The following RRM2 variants were observed in gnomAD, a reference collection of about 807,000 sequenced individuals.
RRM2 encodes ribonucleoside-diphosphate reductase subunit M2.
A neutral mutation model predicts 45.9 loss-of-function variants in RRM2; 6 were observed. The observed-to-expected ratio is 0.13, with a 90% CI of 0.07 to 0.26. The LOEUF (loss-of-function observed/expected upper bound fraction) is 0.26, where lower values mean the gene tolerates loss of function less well. RRM2 is among the 10% of genes least tolerant of loss of function. RRM2 has a pLI of 1.00. For synonymous variants in RRM2, 177 were observed against 173.0 expected (o/e 1.02, Z -0.18); for missense variants, 343 against 489.5 (o/e 0.70, Z 2.82).
chr2:10,172,749 C>A lies in RRM2; in HGVS notation n.482+30374C>A, dbSNP rs997379301. 6.6e-6 allele frequency among the ~76,000 whole-genome samples: 1 copy of A among 152,166 alleles called. No individual in the cohort carries two copies. The highest frequency in any genetic ancestry group is 3.2e-3 in the Middle Eastern group (1 of 316). On this transcript the variant is annotated intron_variant and non_coding_transcript_variant, in intron 3 of 3. Coordinates refer to the RRM2 transcript ENST00000381786. The surrounding 1 kb of genome is among the most constrained non-coding windows in gnomAD (Gnocchi z 4.9). ...TTGCTGCACCCAGGACTGCCCACAT[C>A]AGTTGCAAAATGCAATGTGGGGCCC...
In RRM2 at chr2:10,126,719, G is replaced by T. The variant is rs1034956766; in HGVS notation, c.570-156G>T. ...GAACACTGGAGGGAAAAACTGACCAGTAAAAATAAAACATTTCGGTGTGAG... is the reference window on the plus strand; with the variant it reads ...GAACACTGGAGGGAAAAACTGACCATTAAAAATAAAACATTTCGGTGTGAG... On this transcript the variant is annotated intron_variant, in intron 5 of 9. Transcript: ENST00000304567. 1.1e-5 allele frequency: 7 copies of T among 660,256 alleles called. No individual in the cohort carries two copies. The African/African-American group carries it at 1.1e-4, about 10-fold the overall frequency. 40.9% of individuals were successfully genotyped at this position (660,256 alleles called of 1,614,324 possible).
chr2:10,202,997 A>G (rs1186274761), intron 3 of RRM2, among the ~76,000 whole-genome samples: 1 of 152,218 alleles, frequency 6.6e-6, no homozygotes, highest in Non-Finnish European at 1.5e-5. Context: ...CAAATGCTGG[A>G]GAAAGAACAG....
At chr2:10,133,437 C>T (rs1000184138), downstream of RRM2, among the ~76,000 whole-genome samples, 10 of 152,220 alleles carry the variant, frequency 6.6e-5, no homozygotes, top group African/African-American at 2.4e-4. Context: ...TGTCACCTGG[C>T]CAGGGAGCTA....
Position 10,172,644 on chromosome 2 carries a change from C to T in RRM2, n.482+30269C>T, listed in dbSNP as rs1328366825. ...AGAGAACATTCGCCTCCTGCTGGGT[C>T]GGCCCCTTCGCCTCTTCCTTCTGTC... On this transcript the variant is annotated intron_variant and non_coding_transcript_variant, in intron 3 of 3. Coordinates refer to the RRM2 transcript ENST00000381786. The surrounding 1 kb of genome is among the most constrained non-coding windows in gnomAD (Gnocchi z 4.9). Among the ~76,000 whole-genome samples, 4 of 152,174 alleles carry T rather than the reference C, an allele frequency of 2.6e-5. No individual in the cohort carries two copies. The highest frequency in any genetic ancestry group is 6.5e-5 in the Admixed American group (1 of 15,276).
At position 10,169,869 on chromosome 2, in the gene RRM2, A is replaced by G. The variant is rs1663761737; in HGVS notation, n.482+27494A>G. Among the ~76,000 whole-genome samples, 2 of 151,964 alleles carry G rather than the reference A, an allele frequency of 1.3e-5. No individual in the cohort carries two copies. The highest frequency in any genetic ancestry group is 6.5e-5 in the Admixed American group (1 of 15,272). On this transcript the variant is annotated intron_variant and non_coding_transcript_variant, in intron 3 of 3. Coordinates refer to the RRM2 transcript ENST00000381786. The surrounding 1 kb of genome is among the most constrained non-coding windows in gnomAD (Gnocchi z 5.1). ...CTTCTGCCCACGCTGGAACTTGGGG[A>G]GAAGAGGGAGATGTGAGTCAGGTTT...
At chr2:10,163,423 C>T (rs7569024) in intron 3 of RRM2, among the ~76,000 whole-genome samples, 11,894 of 152,170 alleles carry the variant, frequency 0.078, 588 homozygotes, top group African/African-American at 0.15. Flanking sequence ...GGGTGTGGGG[C>T]AGCCAGGCTG....
chr2:10,189,893 C>T (rs1338357387), intron 3 of RRM2, among the ~76,000 whole-genome samples: 2 of 152,210 alleles, frequency 1.3e-5, no homozygotes, highest in Non-Finnish European at 2.9e-5. Context: ...AGTGTCTGTT[C>T]CCTTCCCTCG....
At chr2:10,158,797 TGGGGAACAGCTGGGTG>T (rs551146136) in intron 3 of RRM2, among the ~76,000 whole-genome samples, 164 of 152,228 alleles carry the variant, frequency 1.1e-3, no homozygotes, top group Admixed American at 1.8e-3. Flanking sequence ...CTGCCCCAGC[TGGGGAACAGCTGGGTG>T]CTTCCGAGGA....
chr2:10,162,676 C>T (rs1441291126), intron 3 of RRM2, among the ~76,000 whole-genome samples: 1 of 152,036 alleles, frequency 6.6e-6, no homozygotes, highest in Non-Finnish European at 1.5e-5. Context: ...ACCTGCACCC[C>T]CCCGCCGCCC....
intron 3 of RRM2, among the ~76,000 whole-genome samples, chr2:10,151,287 G>C (rs2110641): frequency 0.64 from 95,766 of 148,708 alleles, 31,027 homozygotes; most frequent in African/African-American, 0.71. Flanking sequence ...CTGCCAGTCT[G>C]CATGTAGATT....
chr2:10,127,379 T>C lies in RRM2; in HGVS notation c.798+159T>C, dbSNP rs549698469. 34 of 688,634 alleles carry C rather than the reference T, an allele frequency of 4.9e-5. No homozygotes were observed. Among genetic ancestry groups the C allele is most frequent in the Non-Finnish European group, 7.6e-5 (32 of 419,146 alleles). The allele number at this position is 688,634 out of a possible 1,614,324, so 42.7% of individuals were successfully genotyped here. A position where few individuals can be genotyped will look rare whatever the true frequency, so the allele number is the denominator to read the frequency against. ...TACTTGACAAAAGAAGGAAATACTTTCATTTACTGAAACTGTTTTACTTGC... is the reference window on the plus strand; with the variant it reads ...TACTTGACAAAAGAAGGAAATACTTCCATTTACTGAAACTGTTTTACTTGC... On this transcript the variant is annotated intron_variant, in intron 7 of 9. Transcript: ENST00000304567. This position sits in a 1 kb window ranked among gnomAD's most constrained non-coding sequence, Gnocchi z 4.1.
At chr2:10,159,839 C>T (rs1170956594) in intron 3 of RRM2, among the ~76,000 whole-genome samples, 3 of 152,222 alleles carry the variant, frequency 2.0e-5, no homozygotes, top group Admixed American at 1.3e-4. Context: ...GGAGCCTGCC[C>T]CCCAGTTTCT....
At chr2:10,196,922 C>A (rs1251330068) in intron 3 of RRM2, among the ~76,000 whole-genome samples, 1 of 152,208 alleles carries the variant, frequency 6.6e-6, no homozygotes, top group African/African-American at 2.4e-5. Context: ...AGACCACACT[C>A]CTCAGCAGCA....
intron 3 of RRM2, among the ~76,000 whole-genome samples, chr2:10,183,809 G>T (rs934793736): frequency 2.0e-5 from 3 of 148,534 alleles, no homozygotes; most frequent in Admixed American, 6.7e-5. Context: ...AAAAAAAAAG[G>T]CCAGGTGCGG....
Position 10,122,807 on chromosome 2 carries a change from C to T in RRM2, c.9C>T (p.Ser3=), listed in dbSNP as rs752116944. 7 of 1,592,382 alleles carry T rather than the reference C, an allele frequency of 4.4e-6. No individual in the cohort carries two copies. In the South Asian group the frequency reaches 6.9e-5, roughly 16 times the overall value. The part of the protein sequence containing the change: ML[S]LRVPLAPITD... ...TTCGCTGCGCCTCCACTATGCTCTCCCTCCGTGTCCCGCTCGCGCCCATCA... is the reference window on the plus strand; with the variant it reads ...TTCGCTGCGCCTCCACTATGCTCTCTCTCCGTGTCCCGCTCGCGCCCATCA... The change falls in exon 1 of 10, where the codon TCC becomes TCT. Residue 3 remains serine, a synonymous_variant. Transcript: ENST00000304567.
At chr2:10,160,809 C>G (rs758063879) in intron 3 of RRM2, among the ~76,000 whole-genome samples, 1 of 152,214 alleles carries the variant, frequency 6.6e-6, no homozygotes, top group Non-Finnish European at 1.5e-5. Context: ...GCCCTGCCCC[C>G]GCCAGGTGAG....
chr2:10,152,716 C>T (rs926906799), intron 3 of RRM2, among the ~76,000 whole-genome samples: 1 of 151,828 alleles, frequency 6.6e-6, no homozygotes, highest in African/African-American at 2.4e-5. Context: ...CTCTTCACCT[C>T]AGGTGATTTG....
chr2:10,165,800 G>A (rs1663666754), intron 3 of RRM2, among the ~76,000 whole-genome samples: 1 of 152,212 alleles, frequency 6.6e-6, no homozygotes, highest in African/African-American at 2.4e-5. Context: ...AGCTGCATTT[G>A]ACTCACTGGA....
At chr2:10,164,785 C>G (rs867369224) in intron 3 of RRM2, among the ~76,000 whole-genome samples, 2 of 152,286 alleles carry the variant, frequency 1.3e-5, no homozygotes, top group African/African-American at 4.8e-5. Context: ...AGCCAGGGCC[C>G]CCACTGCCCC....
Sources: allele counts gnomAD v4.1 joint callset (sites outside exome capture counted in the v4.1 genomes callset), GRCh38; gene constraint gnomAD v4.1.1; non-coding constraint Gnocchi (gnomAD v3.1); transcripts MANE v1.5; gene names NCBI Gene and HGNC (gene_info 2026-07-23, HGNC 2026-07-21).